Variants in MARCHF1 observed in about 807,000 individuals in gnomAD.
MARCHF1 encodes the protein membrane associated ring-CH-type finger 1.
In MARCHF1, 40 loss-of-function variants were observed where a neutral mutation model predicts 54.2. The ratio of observed to expected loss-of-function variants is 0.74; its 90% CI spans 0.57 to 0.96. MARCHF1 has a LOEUF of 0.96. MARCHF1 is among the 40% of genes least tolerant of loss of function. The probability of loss-of-function intolerance (pLI) is 0.00; values close to 1 mark genes in which losing one functional copy is unlikely to be tolerated. For synonymous variants in MARCHF1, 236 were observed against 236.3 expected (o/e 1.00, Z 0.01); for missense variants, 586 against 656.5 (o/e 0.89, Z 1.17).
intron 1 of MARCHF1, among the ~76,000 whole-genome samples, chr4:164,116,757 C>T (rs570458704): frequency 6.6e-6 from 1 of 151,960 alleles, no homozygotes; most frequent in South Asian, 2.1e-4. Context: ...AAAAAATACA[C>T]AAGAAACAAA....
At chr4:163,600,690 A>C (rs1425129652) in intron 7 of MARCHF1, among the ~76,000 whole-genome samples, 3 of 152,156 alleles carry the variant, frequency 2.0e-5, no homozygotes. Flanking sequence ...GTCATGATCT[A>C]ATTTAGGTAA....
chr4:163,639,189 A>G (rs1461043990), intron 5 of MARCHF1, among the ~76,000 whole-genome samples: 1 of 152,194 alleles, frequency 6.6e-6, no homozygotes, highest in African/African-American at 2.4e-5. Flanking sequence ...GTATTTAACC[A>G]CAAATGGGAC....
chr4:163,639,487 T>G (rs1022180334), intron 5 of MARCHF1, among the ~76,000 whole-genome samples: 1 of 152,218 alleles, frequency 6.6e-6, no homozygotes, highest in African/African-American at 2.4e-5. Flanking sequence ...CACATGTTCT[T>G]TATTATATTT....
At chr4:164,250,829 G>T (rs1260442848) in intron 1 of MARCHF1, among the ~76,000 whole-genome samples, 1 of 152,050 alleles carries the variant, frequency 6.6e-6, no homozygotes, top group Non-Finnish European at 1.5e-5. Context: ...TCAAGAAGAG[G>T]AAGACTCCAT....
chr4:163,598,910 G>C (rs116258205), intron 7 of MARCHF1, among the ~76,000 whole-genome samples: 5 of 151,836 alleles, frequency 3.3e-5, no homozygotes, highest in Non-Finnish European at 7.4e-5. Context: ...CTCTTTTGTC[G>C]TAACAGCTTA....
intron 5 of MARCHF1, among the ~76,000 whole-genome samples, chr4:163,692,169 C>G (rs1744481533): frequency 6.6e-6 from 1 of 152,184 alleles, no homozygotes. Flanking sequence ...AAAGCAGGCT[C>G]TATTCATTAA....
intron 1 of MARCHF1, among the ~76,000 whole-genome samples, chr4:164,167,805 G>T (rs1279030265): frequency 6.6e-6 from 1 of 151,858 alleles, no homozygotes; most frequent in Non-Finnish European, 1.5e-5. Context: ...ATATAAGACT[G>T]AAATTATTAA....
At chr4:163,967,662 A>G (rs186451041) in intron 3 of MARCHF1, among the ~76,000 whole-genome samples, 8 of 152,312 alleles carry the variant, frequency 5.3e-5, no homozygotes, top group East Asian at 3.9e-4. Context: ...GAGGAGCTCT[A>G]TCTACCTATT....
At chr4:163,818,283 G>A (rs1006959294) in intron 4 of MARCHF1, among the ~76,000 whole-genome samples, 1 of 151,506 alleles carries the variant, frequency 6.6e-6, no homozygotes, top group African/African-American at 2.4e-5. Context: ...TTAAGTTCCC[G>A]GGTATACCTA....
At chr4:163,740,995 G>T (rs1381237336) in intron 4 of MARCHF1, among the ~76,000 whole-genome samples, 1 of 152,114 alleles carries the variant, frequency 6.6e-6, no homozygotes, top group African/African-American at 2.4e-5. Flanking sequence ...GTCCTTCTGT[G>T]ATACCTTCTC....
intron 4 of MARCHF1, among the ~76,000 whole-genome samples, chr4:163,798,557 T>A (rs1413199131): frequency 6.6e-6 from 1 of 152,090 alleles, no homozygotes; most frequent in Non-Finnish European, 1.5e-5. Flanking sequence ...GGTGCCAAAT[T>A]CTAATCAAGC....
At chr4:163,806,504 G>T (rs1470047788) in intron 4 of MARCHF1, among the ~76,000 whole-genome samples, 1 of 152,176 alleles carries the variant, frequency 6.6e-6, no homozygotes, top group Non-Finnish European at 1.5e-5. Flanking sequence ...GGCTCCAGTG[G>T]GGGCTGCTAA....
intron 2 of MARCHF1, among the ~76,000 whole-genome samples, chr4:164,013,196 A>G (rs1185697060): frequency 6.6e-6 from 1 of 152,220 alleles, no homozygotes; most frequent in Non-Finnish European, 1.5e-5. Context: ...TAACAAAGTG[A>G]TTGAAATCAT....
At chr4:163,568,219 T>G (rs1378453361) in intron 8 of MARCHF1, among the ~76,000 whole-genome samples, 1 of 152,146 alleles carries the variant, frequency 6.6e-6, no homozygotes, top group East Asian at 1.9e-4. Context: ...ATAAATTAAC[T>G]GTTACTCTAG....
At chr4:164,354,167 C>T (rs376014265) in intron 1 of MARCHF1, among the ~76,000 whole-genome samples, 1 of 104,202 alleles carries the variant, frequency 9.6e-6, no homozygotes, top group Non-Finnish European at 2.1e-5. Flanking sequence ...GATTCACAGC[C>T]GAATTCTACC....
chr4:163,535,522 T>TC (rs1738499086), intron 9 of MARCHF1, among the ~76,000 whole-genome samples: 1 of 152,104 alleles, frequency 6.6e-6, no homozygotes, highest in African/African-American at 2.4e-5. Flanking sequence ...TAAAAAATAC[T>TC]CCAAGGCAAA....
intron 7 of MARCHF1, among the ~76,000 whole-genome samples, chr4:163,609,524 A>C (rs997749281): frequency 2.0e-5 from 3 of 151,810 alleles, no homozygotes; most frequent in Admixed American, 6.6e-5. Flanking sequence ...CATCTCCTAA[A>C]TCTAGGTTCC....
chr4:163,999,637 C>T (rs1397377961), intron 2 of MARCHF1, among the ~76,000 whole-genome samples: 2 of 151,430 alleles, frequency 1.3e-5, no homozygotes, highest in African/African-American at 4.8e-5. Context: ...GGGAGTGTTA[C>T]AGTACCATTA....
chr4:163,659,638 T>A (rs1413986317), intron 5 of MARCHF1, among the ~76,000 whole-genome samples: 2 of 151,910 alleles, frequency 1.3e-5, no homozygotes, highest in Non-Finnish European at 2.9e-5. Flanking sequence ...GGGAGAGAAT[T>A]TTTGCAATCT....
Sources: allele counts gnomAD v4.1 joint callset (sites outside exome capture counted in the v4.1 genomes callset), GRCh38; gene constraint gnomAD v4.1.1; transcripts MANE v1.5; gene names NCBI Gene and HGNC (gene_info 2026-07-23, HGNC 2026-07-21).